SEMA5A: variants seen among roughly 807,000 people sequenced by gnomAD.
SEMA5A encodes semaphorin-5A.
SEMA5A carries 55 observed loss-of-function variants against 135.5 expected under a neutral mutation model. That is an observed-to-expected ratio of 0.41 (90% CI 0.33 to 0.51). The LOEUF is 0.51. Ranked by LOEUF, SEMA5A falls within the 20% of genes least tolerant of loss-of-function variation. The pLI, the probability that SEMA5A is intolerant of heterozygous loss-of-function variation, is 0.37. For synonymous variants in SEMA5A, 580 were observed against 546.5 expected (o/e 1.06, Z -0.85); for missense variants, 1,290 against 1,419.9 (o/e 0.91, Z 1.47).
chr5:9,210,895 C>A (rs1746312681), intron 8 of SEMA5A, among the ~76,000 whole-genome samples: 1 of 152,148 alleles, frequency 6.6e-6, no homozygotes, highest in African/African-American at 2.4e-5. Context: ...CTACAAGTAA[C>A]AGATACTCCA....
At chr5:9,499,936 T>A (rs1395722321) in intron 1 of SEMA5A, among the ~76,000 whole-genome samples, 2 of 150,518 alleles carry the variant, frequency 1.3e-5, no homozygotes, top group Admixed American at 1.3e-4. Flanking sequence ...GGTTCTGCCC[T>A]GAAAAAAAAA....
chr5:9,488,900 C>T lies in SEMA5A; in HGVS notation c.-174-51048G>A, dbSNP rs142265270. ...TGGACTATTTTCCTGTGTTCTTTTG[C>T]ATTTTAAGTCAACACCATCTTCTTC... On this transcript the variant is annotated intron_variant, in intron 1 of 22. Coordinates refer to ENST00000382496, the MANE Select transcript of SEMA5A (RefSeq NM_003966.3). 3.2e-3 allele frequency among the ~76,000 whole-genome samples: 490 copies of T among 152,256 alleles called. 2 individuals carry two copies. The South Asian group carries it at 0.041, about 13-fold the overall frequency.
chr5:9,099,006 T>C (rs577527605), intron 16 of SEMA5A, among the ~76,000 whole-genome samples: 1 of 152,064 alleles, frequency 6.6e-6, no homozygotes, highest in Non-Finnish European at 1.5e-5. Context: ...TACAACAGAG[T>C]CTTCCAACAT....
intron 2 of SEMA5A, among the ~76,000 whole-genome samples, chr5:9,384,975 T>C (rs553409430): frequency 2.0e-5 from 3 of 152,212 alleles, no homozygotes; most frequent in Admixed American, 6.5e-5. Flanking sequence ...AGGATCAAAG[T>C]TCTATCATCA....
intron 8 of SEMA5A, among the ~76,000 whole-genome samples, chr5:9,212,231 C>T (rs906449086): frequency 2.0e-5 from 3 of 152,170 alleles, no homozygotes; most frequent in African/African-American, 7.2e-5. Context: ...TATTGTTCCC[C>T]AACTTGATTG....
At chr5:9,297,207 T>C (rs769292116) in intron 5 of SEMA5A, among the ~76,000 whole-genome samples, 6 of 152,162 alleles carry the variant, frequency 3.9e-5, no homozygotes, top group Non-Finnish European at 8.8e-5. Flanking sequence ...CATATGTATA[T>C]ACACATACAT....
At chr5:9,123,821 G>T (rs1465815800) in intron 13 of SEMA5A, among the ~76,000 whole-genome samples, 19 of 152,074 alleles carry the variant, frequency 1.2e-4, no homozygotes, top group African/African-American at 4.3e-4. Context: ...AAGAGCTTAC[G>T]GGCCAGTGAG....
chr5:9,090,706 G>T (rs1738984920), intron 16 of SEMA5A, among the ~76,000 whole-genome samples: 1 of 152,166 alleles, frequency 6.6e-6, no homozygotes, highest in South Asian at 2.1e-4. Context: ...ATGCAATGAT[G>T]AACCAAAGAG....
rs200691633 is a variant in SEMA5A, at chr5:9,262,896, T to TAAA, written c.271-25009_271-25007dup. Among the ~76,000 whole-genome samples, 621 of 114,944 alleles carry TAAA rather than the reference T, an allele frequency of 5.4e-3. 8 individuals are homozygous for TAAA. The highest frequency in any genetic ancestry group is 0.019 in the African/African-American group (589 of 30,644). The allele number at this position is 114,944 out of a possible 152,430, so 75.4% of individuals were successfully genotyped here. A position where few individuals can be genotyped will look rare whatever the true frequency, so the allele number is the denominator to read the frequency against. ...ATGTACCCTAAAACTTAGATTATAA[T>TAAA]AAAAAAAAAAAATTAAAAAAAAAAA... On this transcript the variant is annotated intron_variant, in intron 5 of 22. Coordinates refer to ENST00000382496, the MANE Select transcript of SEMA5A (RefSeq NM_003966.3).
intron 8 of SEMA5A, among the ~76,000 whole-genome samples, 154 bp from the exon 9 acceptor site, chr5:9,202,394 G>A (rs145914716): frequency 4.0e-5 from 6 of 151,846 alleles, no homozygotes; most frequent in African/African-American, 1.5e-4. Context: ...GCAGCTTAAT[G>A]ATCTACACTG....
chr5:9,093,753 T>C (rs1024674620), intron 16 of SEMA5A, among the ~76,000 whole-genome samples: 1 of 151,642 alleles, frequency 6.6e-6, no homozygotes, highest in African/African-American at 2.4e-5. Context: ...CCATGCCTGG[T>C]ACTCAAGCCC....
intron 11 of SEMA5A, among the ~76,000 whole-genome samples, chr5:9,156,494 G>C (rs1299259576): frequency 6.6e-6 from 1 of 152,200 alleles, no homozygotes; most frequent in Admixed American, 6.5e-5. Context: ...AGAGCCTGTG[G>C]CTGCCTTTGC....
intron 2 of SEMA5A, among the ~76,000 whole-genome samples, chr5:9,384,029 C>T (rs1384688530): frequency 1.3e-5 from 2 of 152,084 alleles, no homozygotes; most frequent in Admixed American, 1.3e-4. Context: ...TTAATGAGAA[C>T]AGGTAATTTT....
intron 3 of SEMA5A, among the ~76,000 whole-genome samples, chr5:9,353,162 G>GAAGGGAAAGGA (rs368864006): frequency 4.2e-5 from 1 of 23,530 alleles, no homozygotes; most frequent in Non-Finnish European, 7.4e-5. Context: ...GAAAGGAAAG[G>GAAGGGAAAGGA]AGGGAAAGGA....
At chr5:9,088,433 T>A (rs1446647601) in intron 16 of SEMA5A, among the ~76,000 whole-genome samples, 1 of 150,988 alleles carries the variant, frequency 6.6e-6, no homozygotes, top group Non-Finnish European at 1.5e-5. Flanking sequence ...AGTTTTCTCT[T>A]ATACTGTGAC....
intron 1 of SEMA5A, among the ~76,000 whole-genome samples, chr5:9,526,219 G>C (rs1194758317): frequency 1.3e-5 from 2 of 152,232 alleles, no homozygotes; most frequent in East Asian, 3.8e-4. Flanking sequence ...TTGCTTGAGT[G>C]AGGAAAGTTC....
intron 3 of SEMA5A, among the ~76,000 whole-genome samples, chr5:9,346,868 A>C (rs914789435): frequency 8.6e-5 from 13 of 151,154 alleles, no homozygotes; most frequent in Non-Finnish European, 1.9e-4. Context: ...TATAGGCATC[A>C]ATGTGGTCAT....
At chr5:9,079,321 T>A (rs2150099077) in intron 16 of SEMA5A, among the ~76,000 whole-genome samples, 1 of 152,046 alleles carries the variant, frequency 6.6e-6, no homozygotes, top group African/African-American at 2.4e-5. Flanking sequence ...ACTGGATAAA[T>A]AACAAAATTA....
intron 11 of SEMA5A, among the ~76,000 whole-genome samples, chr5:9,188,192 A>G (rs575491942): frequency 2.6e-5 from 4 of 152,292 alleles, no homozygotes; most frequent in South Asian, 2.1e-4. Flanking sequence ...TTCTGTGAGG[A>G]CACAACTAGC....
Sources: allele counts gnomAD v4.1 joint callset (sites outside exome capture counted in the v4.1 genomes callset), GRCh38; gene constraint gnomAD v4.1.1; transcripts MANE v1.5; gene names NCBI Gene and HGNC (gene_info 2026-07-23, HGNC 2026-07-21).